PRKN: variants seen among roughly 807,000 people sequenced by gnomAD.
PRKN encodes E3 ubiquitin-protein ligase parkin.
PRKN carries 56 observed loss-of-function variants against 59.5 expected under a neutral mutation model. The observed-to-expected ratio is 0.94, with a 90% CI of 0.76 to 1.18. The LOEUF is 1.18. Among genes scored for constraint, PRKN ranks in the 50% most tolerant of loss-of-function variants. The pLI is 0.00. For synonymous variants in PRKN, 250 were observed against 222.1 expected, an observed-to-expected ratio of 1.13 and a Z score of -1.12; for missense variants, 657 against 596.4, an observed-to-expected ratio of 1.10 and a Z score of -1.06.
intron 5 of PRKN, among the ~76,000 whole-genome samples, chr6:162,032,833 TC>T (rs1373659274): frequency 1.3e-5 from 2 of 152,116 alleles, no homozygotes; most frequent in African/African-American, 4.8e-5. Flanking sequence ...TCATCACTCT[TC>T]CATTGAAATG....
At chr6:162,340,806 C>T (rs920513249) in intron 2 of PRKN, among the ~76,000 whole-genome samples, 4 of 152,136 alleles carry the variant, frequency 2.6e-5, no homozygotes, top group African/African-American at 9.6e-5. Context: ...GACCTAAAAT[C>T]ATAAAAACCC....
chr6:162,383,787 T>C (rs148543705), intron 2 of PRKN, among the ~76,000 whole-genome samples: 1 of 152,320 alleles, frequency 6.6e-6, no homozygotes, highest in East Asian at 1.9e-4. Context: ...GATCTGTTGT[T>C]TACTGTTGTC....
At chr6:162,402,802 C>T (rs1787865699) in intron 2 of PRKN, among the ~76,000 whole-genome samples, 2 of 151,842 alleles carry the variant, frequency 1.3e-5, no homozygotes. Flanking sequence ...AGCTAGAATG[C>T]CATCATATCT....
At chr6:161,587,662 A>G (rs1228142653) in intron 7 of PRKN, among the ~76,000 whole-genome samples, 5 of 152,104 alleles carry the variant, frequency 3.3e-5, no homozygotes, top group Non-Finnish European at 7.3e-5. Context: ...TTTTATTTCT[A>G]TAAGTTTTTG....
At chr6:162,626,367 C>G (rs899743335) in intron 1 of PRKN, among the ~76,000 whole-genome samples, 1 of 152,202 alleles carries the variant, frequency 6.6e-6, no homozygotes, top group South Asian at 2.1e-4. Flanking sequence ...CTTGCACTTC[C>G]AAAAAGCTTT....
At chr6:162,330,218 T>C (rs1783511280) in intron 2 of PRKN, among the ~76,000 whole-genome samples, 1 of 152,192 alleles carries the variant, frequency 6.6e-6, no homozygotes, top group Admixed American at 6.5e-5. Flanking sequence ...TTTTCCATGG[T>C]TTATAAGCAC....
At chr6:161,637,852 C>T (rs958220047) in intron 7 of PRKN, among the ~76,000 whole-genome samples, 3 of 152,156 alleles carry the variant, frequency 2.0e-5, no homozygotes, top group African/African-American at 2.4e-5. Context: ...TTTGGGCGTG[C>T]TCCCAGAGGG....
intron 5 of PRKN, among the ~76,000 whole-genome samples, chr6:162,021,159 T>TATATA (rs1783158834): frequency 4.3e-5 from 1 of 23,466 alleles, no homozygotes; most frequent in Non-Finnish European, 9.2e-5. Context: ...TATATATATA[T>TATATA]ATATATAAAA....
At chr6:162,639,862 C>G (rs1472890839) in intron 1 of PRKN, among the ~76,000 whole-genome samples, 1 of 152,140 alleles carries the variant, frequency 6.6e-6, no homozygotes, top group African/African-American at 2.4e-5. Flanking sequence ...ATCTGAAAAT[C>G]TAGAGCCTTA....
intron 4 of PRKN, among the ~76,000 whole-genome samples, chr6:162,144,794 C>G (rs1250687515): frequency 6.6e-6 from 1 of 152,132 alleles, no homozygotes; most frequent in East Asian, 1.9e-4. Flanking sequence ...AGCTTCGGCA[C>G]AGTGGAAAGT....
In PRKN at chr6:161,428,968, G is replaced by C. The variant is rs765107771; in HGVS notation, c.1084-42091C>G. Among the ~76,000 whole-genome samples the C allele has an allele frequency of 1.3e-4, 20 of 152,230 alleles. No homozygotes were observed. Among genetic ancestry groups the C allele is most frequent in the Non-Finnish European group, 2.6e-4 (18 of 68,022 alleles). On this transcript the variant is annotated intron_variant, in intron 9 of 11. Coordinates refer to ENST00000366898, the MANE Select transcript of PRKN (RefSeq NM_004562.3). This position sits in a 1 kb window ranked among gnomAD's most constrained non-coding sequence, Gnocchi z 4.0. ...TACATTCCTGCCCTAAGACTGGAAGGCTGGCAGACCAGCTCAGGTCAGCTG... is the reference window on the plus strand; with the variant it reads ...TACATTCCTGCCCTAAGACTGGAAGCCTGGCAGACCAGCTCAGGTCAGCTG...
intron 6 of PRKN, among the ~76,000 whole-genome samples, chr6:161,946,992 A>G (rs1211848550): frequency 6.6e-6 from 1 of 152,098 alleles, no homozygotes; most frequent in Admixed American, 6.6e-5. Flanking sequence ...TCATTTTTCT[A>G]AGAGTAATAT....
intron 7 of PRKN, among the ~76,000 whole-genome samples, chr6:161,757,831 C>T (rs1788993043): frequency 8.9e-6 from 1 of 112,712 alleles, no homozygotes; most frequent in South Asian, 3.1e-4. Context: ...GAGCAAAACT[C>T]CATCTCTCTC....
intron 2 of PRKN, among the ~76,000 whole-genome samples, chr6:162,291,213 A>G (rs1184052754): frequency 6.6e-6 from 1 of 152,122 alleles, no homozygotes; most frequent in African/African-American, 2.4e-5. Context: ...TGACCTCTGG[A>G]CACTAAAATG....
intron 3 of PRKN, among the ~76,000 whole-genome samples, chr6:162,237,310 C>T (rs1488032803): frequency 6.6e-6 from 1 of 152,106 alleles, no homozygotes. Context: ...AGACCTAGTA[C>T]ATAAAAAGAG....
intron 6 of PRKN, among the ~76,000 whole-genome samples, chr6:161,904,415 A>G (rs984247061): frequency 1.4e-5 from 2 of 143,134 alleles, no homozygotes; most frequent in Non-Finnish European, 3.0e-5. Flanking sequence ...TCCTGGGTTC[A>G]TGCCATTCTC....
intron 7 of PRKN, among the ~76,000 whole-genome samples, chr6:161,719,539 G>C (rs544357893): frequency 2.0e-5 from 3 of 152,250 alleles, no homozygotes; most frequent in African/African-American, 4.8e-5. Flanking sequence ...TGGACATCAT[G>C]ATATAATTTA....
At chr6:162,627,485 A>G (rs1388297721) in intron 1 of PRKN, among the ~76,000 whole-genome samples, 1 of 152,166 alleles carries the variant, frequency 6.6e-6, no homozygotes, top group East Asian at 1.9e-4. Context: ...AGTGGCTTGT[A>G]AACAGGAGAC....
In PRKN at chr6:161,388,831, A is replaced by T. The variant is rs1191898910; in HGVS notation, c.1084-1954T>A. 6.6e-6 allele frequency among the ~76,000 whole-genome samples: 1 copy of T among 152,262 alleles called. No homozygotes were observed. The highest frequency in any genetic ancestry group is 1.5e-5 in the Non-Finnish European group (1 of 68,044). On this transcript the variant is annotated intron_variant, in intron 9 of 11. Transcript: ENST00000366898. The surrounding 1 kb of genome is among the most constrained non-coding windows in gnomAD (Gnocchi z 4.3). ...CAACAATAGCCCTGTCTGAGCTTTT[A>T]GTAGACAGCCAGCACCAACTTGCCA...
Sources: gnomAD v4.1 joint callset for allele counts (sites outside exome capture counted in the v4.1 genomes callset) on GRCh38, gnomAD v4.1.1 for gene constraint, Gnocchi (gnomAD v3.1) non-coding constraint, MANE v1.5 for transcripts, NCBI Gene and HGNC (gene_info 2026-07-23, HGNC 2026-07-21) for gene names.